The following ELOVL2 variants were observed in gnomAD, a reference collection of about 807,000 sequenced individuals.
ELOVL2 encodes the protein very long chain fatty acid elongase 2.
Under a neutral mutation model 37.7 loss-of-function variants are expected in ELOVL2, and 38 were observed. The observed-to-expected ratio is 1.01, with a 90% CI of 0.78 to 1.32. The LOEUF (loss-of-function observed/expected upper bound fraction) is 1.32. ELOVL2 is among the 40% of genes most tolerant of loss of function. ELOVL2 has a pLI of 0.00. For missense variants in ELOVL2, 352 were observed against 363.6 expected (o/e 0.97, Z 0.26); for synonymous variants, 115 against 122.3 (o/e 0.94, Z 0.40).
intron 1 of ELOVL2, among the ~76,000 whole-genome samples, chr6:11,021,665 G>A (rs946735079): frequency 7.9e-5 from 12 of 152,130 alleles, no homozygotes; most frequent in African/African-American, 2.7e-4. Context: ...TAGTAAAACC[G>A]AAAACCTTTT....
At chr6:11,040,063 T>G (rs933736105) in intron 1 of ELOVL2, among the ~76,000 whole-genome samples, 2 of 152,104 alleles carry the variant, frequency 1.3e-5, no homozygotes, top group Admixed American at 6.6e-5. Context: ...GGAAAGAGAT[T>G]TTGAAATATT....
chr6:11,042,825 CA>C (rs947531138), intron 1 of ELOVL2, among the ~76,000 whole-genome samples: 1 of 152,124 alleles, frequency 6.6e-6, no homozygotes, highest in African/African-American at 2.4e-5. Context: ...TAACATAAAG[CA>C]GCTTGCTTTA....
chr6:10,983,594 A>G lies in ELOVL2; in HGVS notation c.*187T>C, dbSNP rs1036052375. On this transcript the variant is annotated 3_prime_UTR_variant, in exon 8 of 8. Coordinates refer to ENST00000354666, the MANE Select transcript of ELOVL2 (RefSeq NM_017770.4). ...GTCCTCGGAGGTGAGCATCACCTCA[A>G]TGCTGATCAAAGCATTCAGTTAACA... 3 of 617,526 alleles carry G rather than the reference A, an allele frequency of 4.9e-6. No individual in the cohort carries two copies. Among genetic ancestry groups the G allele is most frequent in the South Asian group, 2.4e-5 (1 of 41,626 alleles). 38.3% of individuals were successfully genotyped at this position (617,526 alleles called of 1,614,324 possible). A position where few individuals can be genotyped will look rare whatever the true frequency, so the allele number is the denominator to read the frequency against.
At chr6:10,988,792 T>C (rs1405165694) in intron 7 of ELOVL2, among the ~76,000 whole-genome samples, 3 of 152,228 alleles carry the variant, frequency 2.0e-5, no homozygotes, top group Non-Finnish European at 4.4e-5. Context: ...TTCTCTGTTA[T>C]AGCTTTCATC....
chr6:10,990,519 C>G, intron 5 of ELOVL2, 77 bp from the exon 6 acceptor site: 1 of 1,377,958 alleles, frequency 7.3e-7, no homozygotes, highest in Non-Finnish European at 9.7e-7. Context: ...GAGATTCTCT[C>G]TCTGCATGGT....
Position 10,990,573 on chromosome 6 carries a change from T to C in ELOVL2, c.506-131A>G. On this transcript the variant is annotated intron_variant, in intron 5 of 7. Transcript: ENST00000354666. The stretch of plus-strand genomic sequence containing the variant: ...CATATGACATGATCATATAACAAAA[T>C]CCACACTAATAAATTCCCCAATTAC... The C allele has an allele frequency of 6.1e-6, 5 of 817,470 alleles. No individual in the cohort carries two copies. The African/African-American group carries it at 9.2e-5, about 15-fold the overall frequency. The allele number at this position is 817,470 out of a possible 1,614,324, so 50.6% of individuals were successfully genotyped here.
intron 6 of ELOVL2, 87 bp downstream of exon 6, chr6:10,990,231 T>C: frequency 1.3e-6 from 2 of 1,537,132 alleles, no homozygotes; most frequent in Non-Finnish European, 1.8e-6. Flanking sequence ...TCATCACACA[T>C]AAAAAGCCCT....
chr6:11,022,758 G>C (rs1782783274), intron 1 of ELOVL2, among the ~76,000 whole-genome samples: 1 of 152,054 alleles, frequency 6.6e-6, no homozygotes, highest in African/African-American at 2.4e-5. Flanking sequence ...TAATTCACTG[G>C]TTACACAGAA....
At position 11,014,711 on chromosome 6, in the gene ELOVL2, A is replaced by G. The variant is rs151081375; in HGVS notation, c.4-3902T>C. On this transcript the variant is annotated intron_variant, in intron 1 of 7. Transcript: ENST00000354666. ...GCAAGTAGATTGGAGTTGGTAAACA[A>G]TTTATTTCTCTAAATCAAATCCCAG... Among the ~76,000 whole-genome samples, 16 of 152,068 alleles carry G rather than the reference A, an allele frequency of 1.1e-4. 1 individual carries two copies. The East Asian group carries it at 3.1e-3, about 29-fold the overall frequency.
chr6:10,999,379 G>T (rs1782332272), intron 4 of ELOVL2, among the ~76,000 whole-genome samples: 1 of 117,668 alleles, frequency 8.5e-6, no homozygotes, highest in Non-Finnish European at 1.7e-5. Context: ...CAAAGGAAAT[G>T]CTTTTTTTTT....
chr6:11,006,872 T>C (rs564608081), intron 2 of ELOVL2, among the ~76,000 whole-genome samples: 1 of 152,374 alleles, frequency 6.6e-6, no homozygotes, highest in South Asian at 2.1e-4. Context: ...CATCTTTTAA[T>C]GCCCAGATAA....
At chr6:11,001,582 C>A (rs1222283574) in intron 3 of ELOVL2, among the ~76,000 whole-genome samples, 1 of 152,212 alleles carries the variant, frequency 6.6e-6, no homozygotes, top group East Asian at 1.9e-4. Flanking sequence ...GGGCTCTAAT[C>A]TCTACTCCGC....
intron 1 of ELOVL2, among the ~76,000 whole-genome samples, chr6:11,013,530 T>C (rs1332741239): frequency 6.6e-6 from 1 of 152,206 alleles, no homozygotes; most frequent in Non-Finnish European, 1.5e-5. Flanking sequence ...ATGCATTTCA[T>C]TGACACATTT....
At chr6:11,017,557 A>G (rs756877097) in intron 1 of ELOVL2, among the ~76,000 whole-genome samples, 5 of 152,186 alleles carry the variant, frequency 3.3e-5, no homozygotes, top group African/African-American at 4.8e-5. Context: ...TTACAAACAG[A>G]ACTATTGCTG....
At chr6:11,002,698 G>C (rs2113504809) in intron 3 of ELOVL2, among the ~76,000 whole-genome samples, 1 of 152,346 alleles carries the variant, frequency 6.6e-6, no homozygotes, top group Middle Eastern at 3.4e-3. Flanking sequence ...CAACTAAACG[G>C]TTGTTCTTGC....
intron 5 of ELOVL2, among the ~76,000 whole-genome samples, chr6:10,990,669 C>G (rs944428042): frequency 1.8e-4 from 22 of 121,896 alleles, no homozygotes; most frequent in Admixed American, 5.5e-4. Context: ...TTCAGAATGC[C>G]CCCCCCCCGC....
intron 1 of ELOVL2, among the ~76,000 whole-genome samples, chr6:11,042,302 G>C (rs1581885943): frequency 6.6e-6 from 1 of 151,842 alleles, no homozygotes; most frequent in African/African-American, 2.4e-5. Flanking sequence ...GACAGAGTGA[G>C]ACCCTGCCAC....
At chr6:11,027,755 C>T (rs1347963371) in intron 1 of ELOVL2, among the ~76,000 whole-genome samples, 8 of 152,176 alleles carry the variant, frequency 5.3e-5, no homozygotes. Context: ...TCCCTCCCTC[C>T]CTGCCTTTCT....
chr6:10,990,673 C>CGG (rs5874300), intron 5 of ELOVL2, among the ~76,000 whole-genome samples: 9 of 150,688 alleles, frequency 6.0e-5, no homozygotes, highest in East Asian at 5.8e-4. Flanking sequence ...GAATGCCCCC[C>CGG]CCCCGCCACA....
Sources: allele counts gnomAD v4.1 joint callset (sites outside exome capture counted in the v4.1 genomes callset), GRCh38; gene constraint gnomAD v4.1.1; transcripts MANE v1.5; gene names NCBI Gene and HGNC (gene_info 2026-07-23, HGNC 2026-07-21).